Variants in CHRM3 observed in about 807,000 individuals in gnomAD.
The protein encoded by CHRM3 is cholinergic receptor muscarinic 3.
A neutral mutation model predicts 41.8 loss-of-function variants in CHRM3; 11 were observed. The ratio of observed to expected loss-of-function variants is 0.26; its 90% confidence interval spans 0.17 to 0.44. The LOEUF (loss-of-function observed/expected upper bound fraction) is 0.44. CHRM3 is among the 20% of genes least tolerant of loss of function. CHRM3 has a pLI of 1.00. For synonymous variants in CHRM3, 297 were observed against 301.4 expected (o/e 0.99, Z 0.15); for missense variants, 571 against 745.4 (o/e 0.77, Z 2.72).
chr1:239,745,237 T>C (rs554331741), intron 5 of CHRM3, among the ~76,000 whole-genome samples: 1 of 152,252 alleles, frequency 6.6e-6, no homozygotes, highest in Non-Finnish European at 1.5e-5. Flanking sequence ...GAAAAATAAC[T>C]GGCAGCATCG....
chr1:239,528,932 C>G (rs984538023), intron 2 of CHRM3, among the ~76,000 whole-genome samples: 2 of 152,136 alleles, frequency 1.3e-5, no homozygotes, highest in Non-Finnish European at 2.9e-5. Flanking sequence ...AGGATAGAGA[C>G]AGTCTAAATA....
At chr1:239,615,291 T>G (rs2148775925) in intron 3 of CHRM3, among the ~76,000 whole-genome samples, 1 of 152,306 alleles carries the variant, frequency 6.6e-6, no homozygotes, top group Non-Finnish European at 1.5e-5. Flanking sequence ...TGAGAATCGC[T>G]TAGATCTAAG....
At chr1:239,858,534 A>AG (rs1421373649) in intron 6 of CHRM3, among the ~76,000 whole-genome samples, 5 of 151,784 alleles carry the variant, frequency 3.3e-5, no homozygotes, top group African/African-American at 9.7e-5. Flanking sequence ...AAAAAAAAAA[A>AG]AAGAGAATAA....
Position 239,462,327 on chromosome 1 carries a change from TC to T in CHRM3, c.-520-30381del, listed in dbSNP as rs143788133. Among the ~76,000 whole-genome samples the T allele has an allele frequency of 7.8e-3, 1,194 of 152,296 alleles. 15 individuals carry two copies. The highest frequency in any genetic ancestry group is 0.028 in the African/African-American group (1,146 of 41,560). On this transcript the variant is annotated intron_variant, in intron 1 of 6. Coordinates refer to ENST00000676153, the MANE Select transcript of CHRM3 (RefSeq NM_001375978.1). ...ATGTCCCTGGGTTATACCAGGTTAG[TC>T]ATATCCACGAGAACCAGTTTTTGTT...
chr1:239,796,115 T>C (rs1409758930), intron 5 of CHRM3, among the ~76,000 whole-genome samples: 1 of 152,168 alleles, frequency 6.6e-6, no homozygotes, highest in Admixed American at 6.5e-5. Context: ...ATGACTTCTG[T>C]GAACAAATAT....
intron 1 of CHRM3, among the ~76,000 whole-genome samples, chr1:239,415,496 G>T (rs191120358): frequency 6.6e-6 from 1 of 151,996 alleles, no homozygotes; most frequent in Non-Finnish European, 1.5e-5. Flanking sequence ...ATTAAATTAA[G>T]ATAAATTAAG....
intron 3 of CHRM3, among the ~76,000 whole-genome samples, chr1:239,627,758 A>G (rs1032297784): frequency 7.1e-6 from 1 of 140,508 alleles, no homozygotes; most frequent in South Asian, 2.4e-4. Flanking sequence ...TCCTTCACTT[A>G]TGAAGCTTAG....
chr1:239,813,397 TA>T (rs1189850967), intron 5 of CHRM3, among the ~76,000 whole-genome samples: 1 of 152,090 alleles, frequency 6.6e-6, no homozygotes, highest in Non-Finnish European at 1.5e-5. Context: ...GAGAAAAAAA[TA>T]ATTTGGACTA....
At chr1:239,623,409 A>T (rs1454752840) in intron 3 of CHRM3, among the ~76,000 whole-genome samples, 1 of 151,156 alleles carries the variant, frequency 6.6e-6, no homozygotes, top group Non-Finnish European at 1.5e-5. Flanking sequence ...GATGGTTTCC[A>T]GCTTCATCCA....
intron 4 of CHRM3, among the ~76,000 whole-genome samples, chr1:239,638,517 T>C (rs929937540): frequency 2.6e-5 from 4 of 152,238 alleles, no homozygotes; most frequent in Admixed American, 2.0e-4. Flanking sequence ...TGGCCAGTGA[T>C]GATGAGCATT....
intron 2 of CHRM3, among the ~76,000 whole-genome samples, chr1:239,543,816 G>T (rs1364584172): frequency 1.3e-5 from 2 of 152,056 alleles, no homozygotes; most frequent in Admixed American, 1.3e-4. Context: ...CCCAGCAACC[G>T]ATTTTTATAA....
intron 4 of CHRM3, among the ~76,000 whole-genome samples, chr1:239,672,997 CAT>C (rs1306131676): frequency 6.6e-6 from 1 of 152,144 alleles, no homozygotes; most frequent in Non-Finnish European, 1.5e-5. Context: ...ATGTGAGACT[CAT>C]GATGAACATC....
At chr1:239,567,088 A>C (rs1483356160) in intron 3 of CHRM3, among the ~76,000 whole-genome samples, 1 of 152,136 alleles carries the variant, frequency 6.6e-6, no homozygotes, top group African/African-American at 2.4e-5. Context: ...CTCTTTCCAA[A>C]CCATAAACAA....
At chr1:239,758,910 C>T (rs965343619) in intron 5 of CHRM3, among the ~76,000 whole-genome samples, 2 of 152,102 alleles carry the variant, frequency 1.3e-5, no homozygotes, top group African/African-American at 4.8e-5. Flanking sequence ...ATTTCTAATC[C>T]TCATGCATCT....
chr1:239,618,657 A>G (rs966869847), intron 3 of CHRM3, among the ~76,000 whole-genome samples: 1 of 151,360 alleles, frequency 6.6e-6, no homozygotes, highest in Non-Finnish European at 1.5e-5. Flanking sequence ...ATCCTGGCTA[A>G]CACGGTGAAA....
intron 1 of CHRM3, among the ~76,000 whole-genome samples, chr1:239,407,405 AATAT>A (rs143680510): frequency 2.9e-5 from 4 of 136,964 alleles, no homozygotes; most frequent in African/African-American, 1.0e-4. Flanking sequence ...AATGACTATA[AATAT>A]ATATATATAG....
chr1:239,877,897 T>C (rs2102849220), intron 6 of CHRM3, among the ~76,000 whole-genome samples: 1 of 151,468 alleles, frequency 6.6e-6, no homozygotes, highest in African/African-American at 2.4e-5. Flanking sequence ...TTTCTTTTTT[T>C]TTTTTTTTAA....
chr1:239,511,780 G>A (rs970481162), intron 2 of CHRM3, among the ~76,000 whole-genome samples: 3 of 152,106 alleles, frequency 2.0e-5, no homozygotes, highest in East Asian at 1.9e-4. Context: ...CATGTTTCAC[G>A]GGAAATTGAG....
intron 1 of CHRM3, among the ~76,000 whole-genome samples, chr1:239,435,950 C>T (rs1006969172): frequency 6.6e-6 from 1 of 152,056 alleles, no homozygotes; most frequent in African/African-American, 2.4e-5. Flanking sequence ...GAAAACGTTT[C>T]TTTGGGGGCT....
Sources: allele counts gnomAD v4.1 joint callset (sites outside exome capture counted in the v4.1 genomes callset), GRCh38; gene constraint gnomAD v4.1.1; transcripts MANE v1.5; gene names NCBI Gene and HGNC (gene_info 2026-07-23, HGNC 2026-07-21).